CCDC175: variants seen among roughly 807,000 people sequenced by gnomAD.
CCDC175 encodes the protein coiled-coil domain-containing protein 175.
Under a neutral mutation model 114.6 loss-of-function variants are expected in CCDC175, and 100 were observed. The observed-to-expected ratio is 0.87, with a 90% confidence interval of 0.74 to 1.03. The LOEUF (loss-of-function observed/expected upper bound fraction) is 1.03. CCDC175 is among the 50% of genes least tolerant of loss of function. The pLI is 0.00. For synonymous variants in CCDC175, 306 were observed against 308.7 expected (o/e 0.99, Z 0.09); for missense variants, 880 against 917.8 (o/e 0.96, Z 0.53).
intron 15 of CCDC175, among the ~76,000 whole-genome samples, chr14:59,526,421 C>T (rs1032498127): frequency 6.6e-6 from 1 of 152,058 alleles, no homozygotes; most frequent in Admixed American, 6.6e-5. Flanking sequence ...GCCTGGCCAA[C>T]ATGGTGAAAC....
chr14:59,537,879 A>G, intron 13 of CCDC175, 144 bp downstream of exon 13: 1 of 522,636 alleles, frequency 1.9e-6, no homozygotes. Flanking sequence ...CAGGAAAAGA[A>G]GAAAGATCCA....
At chr14:59,527,254 A>T in intron 14 of CCDC175, 80 bp from the exon 15 acceptor site, 1 of 718,578 alleles carries the variant, frequency 1.4e-6, no homozygotes, top group East Asian at 3.0e-5. Context: ...AGTTTTAAAA[A>T]TCAAATTATC....
intron 17 of CCDC175, 113 bp downstream of exon 17, chr14:59,521,460 GT>G: frequency 1.6e-6 from 1 of 609,576 alleles, no homozygotes. Context: ...ACTTTACCTT[GT>G]GATCATGTGA....
Position 59,523,850 on chromosome 14 carries a change from A to G in CCDC175, c.1995+1432T>C, listed in dbSNP as rs112541571. 3.7e-3 allele frequency among the ~76,000 whole-genome samples: 565 copies of G among 152,212 alleles called. 2 individuals are homozygous for G. Among genetic ancestry groups the G allele is most frequent in the African/African-American group, 7.6e-3 (317 of 41,548 alleles). ...TAAAAATACAAAAAATTAGCCGGGC[A>G]TGGTGGCGGGCACCTGTAGTCCCAG... On this transcript the variant is annotated intron_variant, in intron 16 of 19. Coordinates refer to ENST00000537690, the MANE Select transcript of CCDC175 (RefSeq NM_001164399.2).
At position 59,576,701 on chromosome 14, in the gene CCDC175, G is replaced by A; in HGVS notation, c.75C>T (p.Gly25=). Residue 25 remains glycine, a synonymous_variant, in exon 1 of 20, where the codon GGC becomes GGT. Transcript: ENST00000537690. ...GTAAGGTGCATAACTCCAGGGAGGG[G>A]CCAGTGGAGACGGCAGCCGCCTGCA... ...KLVQAAAVST[G]PSLELCTLPS... is the part of the protein sequence containing the mutation. The A allele has an allele frequency of 6.7e-7, 1 of 1,487,526 alleles. No individual in the cohort carries two copies. The highest frequency in any genetic ancestry group is 8.9e-7 in the Non-Finnish European group (1 of 1,126,446). The allele number at this position is 1,487,526 out of a possible 1,614,324, so 92.1% of individuals were successfully genotyped here. A position where few individuals can be genotyped will look rare whatever the true frequency, so the allele number is the denominator to read the frequency against.
intron 1 of CCDC175, 46 bp downstream of exon 1, chr14:59,576,573 C>T: frequency 7.3e-7 from 1 of 1,367,132 alleles, no homozygotes; most frequent in Non-Finnish European, 9.4e-7. Context: ...CTCCTAAGCG[C>T]CACCTCTGAG....
rs1439858481 is a variant in CCDC175, at chr14:59,531,869, T to C, written c.1665A>G (p.Glu555=). 4 of 1,293,530 alleles carry C rather than the reference T, an allele frequency of 3.1e-6. No individual in the cohort carries two copies. The highest frequency in any genetic ancestry group is 2.5e-5 in the East Asian group (1 of 39,638). The allele number at this position is 1,293,530 out of a possible 1,614,324, so 80.1% of individuals were successfully genotyped here. A position where few individuals can be genotyped will look rare whatever the true frequency, so the allele number is the denominator to read the frequency against. ...VKETQINKEK[E]EELVEYLPQL... ...GTGGAAGATACTCAACTAGTTCTTC[T>C]TCCTTTTCTTTGTTAATTTGTGTTT... Residue 555 remains glutamate, a synonymous_variant, in exon 14 of 20, where the codon GAA becomes GAG. Coordinates refer to ENST00000537690, the MANE Select transcript of CCDC175 (RefSeq NM_001164399.2).
chr14:59,544,073 A>G (rs1894953760), intron 9 of CCDC175, among the ~76,000 whole-genome samples: 2 of 152,254 alleles, frequency 1.3e-5, no homozygotes, highest in Admixed American at 1.3e-4. Flanking sequence ...TTCACCAGCT[A>G]TAAAATGAGA....
intron 7 of CCDC175, among the ~76,000 whole-genome samples, chr14:59,553,340 C>T (rs1895648292): frequency 1.3e-5 from 2 of 152,142 alleles, no homozygotes; most frequent in Non-Finnish European, 2.9e-5. Context: ...ATTTTCAACC[C>T]AGAATTTCAT....
At chr14:59,558,397 T>C (rs1896040393) in intron 7 of CCDC175, among the ~76,000 whole-genome samples, 1 of 152,152 alleles carries the variant, frequency 6.6e-6, no homozygotes, top group African/African-American at 2.4e-5. Flanking sequence ...CTGGTGGTGA[T>C]CCAGAAAAGA....
intron 7 of CCDC175, among the ~76,000 whole-genome samples, chr14:59,557,846 CTAGGGA>C (rs2140095814): frequency 6.6e-6 from 1 of 152,180 alleles, no homozygotes; most frequent in Non-Finnish European, 1.5e-5. Context: ...GTTTCAGGTA[CTAGGGA>C]TACAGCATAT....
At chr14:59,530,028 TCCTCTAC>T (rs1893970061) in intron 14 of CCDC175, among the ~76,000 whole-genome samples, 2 of 152,158 alleles carry the variant, frequency 1.3e-5, no homozygotes, top group Non-Finnish European at 2.9e-5. Context: ...GTTTCTTACA[TCCTCTAC>T]CTAGTAAACA....
intron 10 of CCDC175, among the ~76,000 whole-genome samples, chr14:59,541,432 C>A (rs955047848): frequency 2.6e-5 from 4 of 152,112 alleles, no homozygotes; most frequent in African/African-American, 9.7e-5. Context: ...GATTCTTGGA[C>A]AGAAATGAAT....
chr14:59,548,717 C>G (rs1895264400), intron 8 of CCDC175, among the ~76,000 whole-genome samples: 1 of 152,204 alleles, frequency 6.6e-6, no homozygotes, highest in Non-Finnish European at 1.5e-5. Flanking sequence ...CCAACCTTGT[C>G]TGGTTTCTGT....
intron 8 of CCDC175, among the ~76,000 whole-genome samples, chr14:59,551,012 C>T (rs1566623304): frequency 2.0e-5 from 3 of 151,950 alleles, no homozygotes; most frequent in Non-Finnish European, 4.4e-5. Flanking sequence ...CAGGTTGCTG[C>T]ACTTCACAGG....
intron 15 of CCDC175, 34 bp from the exon 16 acceptor site, chr14:59,525,468 G>C (rs1254003123): frequency 1.3e-6 from 2 of 1,489,272 alleles, no homozygotes; most frequent in African/African-American, 2.8e-5. Context: ...TTATCTCTGA[G>C]TTCAAACAGT....
rs966433513 is a variant in CCDC175, at chr14:59,526,202, C to T, written c.1843-768G>A. 3.9e-5 allele frequency among the ~76,000 whole-genome samples: 6 copies of T among 152,178 alleles called. No individual in the cohort carries two copies. The East Asian group carries it at 5.8e-4, about 15-fold the overall frequency. On this transcript the variant is annotated intron_variant, in intron 15 of 19. Transcript: ENST00000537690. ...TGCATGATATTTATTATTACATAAT[C>T]ATCACCAGAAGCATCTTATTAAGAA... is the stretch of plus-strand genomic sequence containing the variant.
At chr14:59,560,969 T>C in intron 7 of CCDC175, 150 bp downstream of exon 7, 1 of 505,618 alleles carries the variant, frequency 2.0e-6, no homozygotes, top group Non-Finnish European at 3.5e-6. Flanking sequence ...TCTATAAAGC[T>C]TTCACATATA....
chr14:59,576,153 C>T (rs191307205), intron 1 of CCDC175, among the ~76,000 whole-genome samples: 1 of 152,346 alleles, frequency 6.6e-6, no homozygotes, highest in Admixed American at 6.5e-5. Context: ...CAACCCTTTA[C>T]ATCTAATTTT....
Sources: allele counts gnomAD v4.1 joint callset (sites outside exome capture counted in the v4.1 genomes callset), GRCh38; gene constraint gnomAD v4.1.1; transcripts MANE v1.5; gene names NCBI Gene and HGNC (gene_info 2026-07-23, HGNC 2026-07-21).